DCP1B: variants seen among roughly 807,000 people sequenced by gnomAD.
DCP1B encodes decapping mRNA 1B.
DCP1B carries 47 observed loss-of-function variants against 60.5 expected under a neutral mutation model. The ratio of observed to expected loss-of-function variants is 0.78; its 90% confidence interval spans 0.61 to 0.99. DCP1B has a LOEUF of 0.99. Ranked by LOEUF, DCP1B falls within the 50% of genes least tolerant of loss-of-function variation. The pLI, the probability that DCP1B is intolerant of heterozygous loss-of-function variation, is 0.00. For synonymous variants in DCP1B, 267 were observed against 280.3 expected (o/e 0.95, Z 0.47); for missense variants, 725 against 756.8 (o/e 0.96, Z 0.49).
At chr12:2,003,686 T>C (rs1474281131) in intron 1 of DCP1B, among the ~76,000 whole-genome samples, 2 of 152,208 alleles carry the variant, frequency 1.3e-5, no homozygotes, top group Non-Finnish European at 1.5e-5. Context: ...TGCTGCCGTG[T>C]AATAATCTTC....
At chr12:2,000,914 G>A (rs1018210047) in intron 1 of DCP1B, among the ~76,000 whole-genome samples, 25 of 152,250 alleles carry the variant, frequency 1.6e-4, no homozygotes, top group African/African-American at 5.5e-4. Context: ...GCAGGCGCCT[G>A]TAATCCTGGA....
At position 1,952,411 on chromosome 12, in the gene DCP1B, T is replaced by C. The variant is rs2030709989; in HGVS notation, c.1524+5A>G. The C allele has an allele frequency of 1.7e-5, 26 of 1,564,350 alleles. No individual in the cohort carries two copies. Among genetic ancestry groups the C allele is most frequent in the Non-Finnish European group, 2.2e-5 (25 of 1,153,140 alleles). On this transcript the variant is annotated splice_donor_5th_base_variant and intron_variant, in intron 7 of 8. Transcript: ENST00000280665. ...TGTTTTATTTTGCCCCTGGTACATA[T>C]TTACCTGGAAAAGAGGAGTCTGCTG... is the stretch of plus-strand genomic sequence containing the variant.
chr12:1,952,336 G>T (rs2030704991), intron 7 of DCP1B, 80 bp downstream of exon 7: 1 of 1,286,210 alleles, frequency 7.8e-7, no homozygotes, highest in Non-Finnish European at 1.0e-6. Flanking sequence ...ACCAAGCCTG[G>T]CTACTTTTTT....
Position 1,946,333 on chromosome 12 carries a change from G to A in DCP1B, c.1774-47C>T, listed in dbSNP as rs577463982. The stretch of plus-strand genomic sequence containing the variant: ...CCAAGAGAATGTTACTTGGTTGGCA[G>A]ACACAAAAGGCTTCCTCTGTCTTAG... On this transcript the variant is annotated intron_variant, in intron 8 of 8. Transcript: ENST00000280665. 8.1e-6 allele frequency: 12 copies of A among 1,478,290 alleles called. No individual in the cohort carries two copies. The South Asian group carries it at 1.5e-4, about 19-fold the overall frequency. The allele number at this position is 1,478,290 out of a possible 1,614,324, so 91.6% of individuals were successfully genotyped here. A position where few individuals can be genotyped will look rare whatever the true frequency, so the allele number is the denominator to read the frequency against.
Position 1,993,351 on chromosome 12 carries a change from G to A in DCP1B, c.232C>T (p.Leu78=). 1 of 1,614,020 alleles carries A rather than the reference G, an allele frequency of 6.2e-7. No homozygotes were observed. Among genetic ancestry groups the A allele is most frequent in the Non-Finnish European group, 8.5e-7 (1 of 1,179,922 alleles). Residue 78 remains leucine (L), a synonymous_variant, in exon 3 of 9, where the codon CTG becomes TTG. Transcript: ENST00000280665. ...PKHGFTIMNR[L]SMENRTEPIT... ...GGTTCTGTCCTATTTTCCATGCTCA[G>A]CCTATTCATAATGGTGAATCCATGC...
In DCP1B at chr12:1,965,676, T is replaced by A. The variant is rs2031270282; in HGVS notation, c.404A>T (p.Gln135Leu). 1.2e-6 allele frequency: 2 copies of A among 1,611,404 alleles called. No homozygotes were observed. Among genetic ancestry groups the A allele is most frequent in the Non-Finnish European group, 1.7e-6 (2 of 1,179,142 alleles). The stretch of plus-strand genomic sequence containing the variant: ...TCCAGTTCCCTGATGGGCTTTCAAC[T>A]GTTCATACTGAGTTAGGCTAGAAAA... ...ELMKNLTQYEQLKAHQGTGAG... is the reference protein window; with the variant it reads ...ELMKNLTQYELLKAHQGTGAG... Residue 135 changes from glutamine to leucine, a missense_variant, in exon 5 of 9, where the codon CAG (glutamine) becomes CTG (leucine). By Grantham distance (113) the Gln-to-Leu change is moderately radical. Coordinates refer to ENST00000280665, the MANE Select transcript of DCP1B (RefSeq NM_152640.5).
intron 5 of DCP1B, among the ~76,000 whole-genome samples, chr12:1,958,719 C>T (rs1161553061): frequency 1.2e-4 from 16 of 136,200 alleles, no homozygotes; most frequent in East Asian, 4.6e-4. Flanking sequence ...TCCCCAACGT[C>T]GCTCTGGGCA....
At position 1,965,710 on chromosome 12, in the gene DCP1B, G is replaced by A. The variant is rs757282883; in HGVS notation, c.387-17C>T. 8.8e-6 allele frequency: 14 copies of A among 1,592,996 alleles called. No homozygotes were observed. The highest frequency in any genetic ancestry group is 1.4e-5 in the African/African-American group (1 of 73,494). On this transcript the variant is annotated splice_polypyrimidine_tract_variant and intron_variant, in intron 4 of 8. Transcript: ENST00000280665. ...TGAGTTAGGCTAGAAAAACAGAGGG[G>A]AAAATCCACACAAGAAAAGCCAATT...
chr12:1,983,783 TC>T (rs2036842487), intron 3 of DCP1B, among the ~76,000 whole-genome samples: 1 of 151,968 alleles, frequency 6.6e-6, no homozygotes, highest in Admixed American at 6.5e-5. Flanking sequence ...CTGTTTTCTG[TC>T]CTCTTGCTCT....
chr12:1,945,937 T>C, downstream of DCP1B: 1 of 221,742 alleles, frequency 4.5e-6, no homozygotes, highest in Non-Finnish European at 8.8e-6. Flanking sequence ...ATGTAGATGA[T>C]GGGTTGATGG....
chr12:1,985,536 A>T (rs1199573865), intron 3 of DCP1B, among the ~76,000 whole-genome samples: 1 of 152,186 alleles, frequency 6.6e-6, no homozygotes, highest in Non-Finnish European at 1.5e-5. Context: ...GAGCATGGTA[A>T]TAACTATCTT....
At chr12:1,993,442 T>C (rs944129286) in intron 2 of DCP1B, 51 bp from the exon 3 acceptor site, 2 of 1,585,276 alleles carry the variant, frequency 1.3e-6, no homozygotes, top group East Asian at 4.5e-5. Context: ...TTGCTTAGTA[T>C]GCTATATTTT....
In DCP1B at chr12:1,952,789, C is replaced by A. The variant is rs150033205; in HGVS notation, c.1151G>T (p.Arg384Leu). 3.1e-6 allele frequency: 5 copies of A among 1,613,994 alleles called. No homozygotes were observed. Among genetic ancestry groups the A allele is most frequent in the Non-Finnish European group, 3.4e-6 (4 of 1,180,018 alleles). ...PAPASSAALN[R>L]SRAPTSVTPV... ...GGTGACAGAAGTGGGAGCTCTGCTG[C>A]GGTTCAGGGCAGCTGAGCTGGCAGG... The change falls in exon 7 of 9, where the codon CGC (arginine) becomes CTC (leucine). Residue 384 changes from arginine (R) to leucine (L), a missense_variant. By Grantham distance (102) the Arg-to-Leu change is moderately radical (BLOSUM62 -2). Coordinates refer to ENST00000280665, the MANE Select transcript of DCP1B (RefSeq NM_152640.5).
intron 3 of DCP1B, among the ~76,000 whole-genome samples, chr12:1,981,688 A>G (rs1593023033): frequency 6.6e-6 from 1 of 152,210 alleles, no homozygotes; most frequent in South Asian, 2.1e-4. Context: ...CAAGTGCTCA[A>G]TAACAAATGA....
rs537501226 is a variant in DCP1B, at chr12:1,979,294, G to A, written c.320-11384C>T. On this transcript the variant is annotated intron_variant, in intron 3 of 8. Coordinates refer to ENST00000280665, the MANE Select transcript of DCP1B (RefSeq NM_152640.5). The stretch of plus-strand genomic sequence containing the variant: ...CTCCCAAAGTGTTGGGATTACAAGC[G>A]TGAGCCACAGCGCCTGGATTTTTTG... Among the ~76,000 whole-genome samples the A allele has an allele frequency of 4.6e-5, 7 of 151,844 alleles. No individual in the cohort carries two copies. In the East Asian group the frequency reaches 1.2e-3, roughly 25 times the overall value.
chr12:1,969,782 G>C (rs1040248134), intron 3 of DCP1B, among the ~76,000 whole-genome samples: 5 of 152,070 alleles, frequency 3.3e-5, no homozygotes, highest in Non-Finnish European at 7.4e-5. Context: ...TTGGATCACT[G>C]ACGTTCAACC....
At chr12:1,978,926 T>C (rs2035254116) in intron 3 of DCP1B, among the ~76,000 whole-genome samples, 1 of 152,266 alleles carries the variant, frequency 6.6e-6, no homozygotes, top group African/African-American at 2.4e-5. Flanking sequence ...TTTGTTCATC[T>C]ATGTAACTAT....
chr12:1,945,582 C>T (rs556972967), downstream of DCP1B, among the ~76,000 whole-genome samples: 5 of 152,300 alleles, frequency 3.3e-5, no homozygotes, highest in South Asian at 4.2e-4. Context: ...CACATGCACA[C>T]GTATGTTTAT....
downstream of DCP1B, among the ~76,000 whole-genome samples, chr12:1,941,962 G>A (rs1246557422): frequency 6.6e-6 from 1 of 152,138 alleles, no homozygotes; most frequent in Non-Finnish European, 1.5e-5. Flanking sequence ...ATGTAAATGG[G>A]CTAAATGCCC....
Sources: gnomAD v4.1 joint callset for allele counts (sites outside exome capture counted in the v4.1 genomes callset) on GRCh38, gnomAD v4.1.1 for gene constraint, MANE v1.5 for transcripts, NCBI Gene and HGNC (gene_info 2026-07-23, HGNC 2026-07-21) for gene names.